MGA: variants seen among roughly 807,000 people sequenced by gnomAD.
MGA encodes MAX dimerization protein MGA, also known as MAX gene-associated protein.
A neutral mutation model predicts 261.1 loss-of-function variants in MGA; 40 were observed. The ratio of observed to expected loss-of-function variants is 0.15; its 90% confidence interval spans 0.12 to 0.20. The LOEUF (loss-of-function observed/expected upper bound fraction) is 0.20, where lower values mean the gene tolerates loss of function less well. Ranked by LOEUF, MGA falls within the 10% of genes least tolerant of loss-of-function variation. The pLI, the probability that MGA is intolerant of heterozygous loss-of-function variation, is 1.00. For missense variants in MGA, 3,397 were observed against 3,630.5 expected (o/e 0.94, Z 1.65); for synonymous variants, 1,302 against 1,290.6 (o/e 1.01, Z -0.19).
intron 2 of MGA, among the ~76,000 whole-genome samples, chr15:41,681,957 G>T (rs968772097): frequency 2.6e-5 from 4 of 151,720 alleles, no homozygotes; most frequent in Non-Finnish European, 5.9e-5. Flanking sequence ...TGCTCTTATT[G>T]CCCAGGCTGG....
chr15:41,667,678 C>T (rs1180106150), intron 1 of MGA, among the ~76,000 whole-genome samples: 4 of 152,068 alleles, frequency 2.6e-5, no homozygotes, highest in Admixed American at 6.6e-5. Flanking sequence ...CCATGTCCAG[C>T]CCCCTTTTTA....
At chr15:41,622,930 A>G (rs1431904189) in intron 1 of MGA, among the ~76,000 whole-genome samples, 1 of 152,252 alleles carries the variant, frequency 6.6e-6, no homozygotes, top group Non-Finnish European at 1.5e-5. Flanking sequence ...GTGCGAACAC[A>G]TCTGGAAAAC....
chr15:41,692,238 A>G (rs1160953741), intron 2 of MGA, among the ~76,000 whole-genome samples: 5 of 152,172 alleles, frequency 3.3e-5, no homozygotes, highest in African/African-American at 4.8e-5. Context: ...TATCCCTGGC[A>G]GGACCTTAGG....
chr15:41,708,045 A>C (rs989486736), intron 6 of MGA, 59 bp from the exon 7 acceptor site: 2 of 1,414,770 alleles, frequency 1.4e-6, no homozygotes, highest in African/African-American at 2.9e-5. Flanking sequence ...TTAATTAACT[A>C]GGTCCATAAT....
In MGA at chr15:41,750,379, A is replaced by C; in HGVS notation, c.6772A>C (p.Arg2258=). The change falls in exon 17 of 24, where the codon AGG becomes CGG. Residue 2258 remains arginine, a synonymous_variant. Transcript: ENST00000219905. Reference sequence around the variant, plus strand: ...TCCTTCAGCCTTCTCCATTGTTCCTAGGAGAGCTGCAAAAAGCAGCAGAGG... The same window carrying C: ...TCCTTCAGCCTTCTCCATTGTTCCTCGGAGAGCTGCAAAAAGCAGCAGAGG... The C allele has an allele frequency of 6.2e-7, 1 of 1,613,972 alleles. No homozygotes were observed. Among genetic ancestry groups the C allele is most frequent in the Non-Finnish European group, 8.5e-7 (1 of 1,179,866 alleles).
intron 1 of MGA, among the ~76,000 whole-genome samples, chr15:41,648,912 T>TA (rs2056985922): frequency 6.6e-6 from 1 of 151,862 alleles, no homozygotes. Flanking sequence ...AATGAGTGCC[T>TA]GGAGAGAGAG....
At chr15:41,742,146 G>A (rs1218790081) in intron 14 of MGA, among the ~76,000 whole-genome samples, 4 of 151,682 alleles carry the variant, frequency 2.6e-5, no homozygotes. Flanking sequence ...TAGCACTTTG[G>A]GAGGCCCGAG....
chr15:41,725,365 TTTTTTAAAGACCTAAAATTTA>T (rs1407604117), intron 9 of MGA, among the ~76,000 whole-genome samples: 1 of 152,152 alleles, frequency 6.6e-6, no homozygotes, highest in Non-Finnish European at 1.5e-5. Flanking sequence ...AACTAAACCT[TTTTTTAAAGACCTAAAATTTA>T]TTTTTAAAGA....
chr15:41,637,019 ATCATATCTTGC>A (rs1410904311), intron 1 of MGA, among the ~76,000 whole-genome samples: 1 of 152,074 alleles, frequency 6.6e-6, no homozygotes, highest in Non-Finnish European at 1.5e-5. Flanking sequence ...GAGAATGACA[ATCATATCTTGC>A]TCTGGGGGCG....
chr15:41,731,262 A>G (rs1276999564), intron 11 of MGA, among the ~76,000 whole-genome samples: 1 of 152,150 alleles, frequency 6.6e-6, no homozygotes, highest in East Asian at 1.9e-4. Flanking sequence ...AGATCTCATG[A>G]TAAATAAAAA....
chr15:41,767,027 T>C lies in MGA; in HGVS notation c.8945T>C (p.Leu2982Ser). 6.2e-7 allele frequency: 1 copy of C among 1,614,004 alleles called. No homozygotes were observed. Among genetic ancestry groups the C allele is most frequent in the Admixed American group, 1.7e-5 (1 of 60,020 alleles). The change falls in exon 24 of 24, where the codon TTG (leucine) becomes TCG (serine). Residue 2982 changes from leucine to serine, a missense_variant. Leu to Ser is a moderately radical substitution (Grantham distance 145). Transcript: ENST00000219905. Reference sequence around the variant, plus strand: ...GAGAACAGCAACAGCACAGACACTTTGTGGAGGCCTATGCCAAAGTTGGCC... The same window carrying C: ...GAGAACAGCAACAGCACAGACACTTCGTGGAGGCCTATGCCAAAGTTGGCC...
At chr15:41,680,208 A>G (rs2058594889) in intron 2 of MGA, among the ~76,000 whole-genome samples, 1 of 152,064 alleles carries the variant, frequency 6.6e-6, no homozygotes, top group African/African-American at 2.4e-5. Context: ...ACTTTGATGC[A>G]TTTCTTACTC....
chr15:41,645,362 G>C (rs911397725), intron 1 of MGA, among the ~76,000 whole-genome samples: 2 of 152,232 alleles, frequency 1.3e-5, no homozygotes, highest in Non-Finnish European at 2.9e-5. Context: ...GGCTGAGACC[G>C]GCAGATCACT....
chr15:41,699,233 C>A, intron 5 of MGA, 74 bp downstream of exon 5: 1 of 951,812 alleles, frequency 1.1e-6, no homozygotes, highest in Non-Finnish European at 1.5e-6. Context: ...TCTTTTTCCT[C>A]TCTCTTTCTC....
Position 41,702,511 on chromosome 15 carries a change from C to T in MGA, c.2188+3352C>T, listed in dbSNP as rs559734354. On this transcript the variant is annotated intron_variant, in intron 5 of 23. Transcript: ENST00000219905. Reference sequence around the variant, plus strand: ...CAACTTAATGTCATATTTCCTTGTCCTGCTATTAACTATAATTTCATTAAT... The same window carrying T: ...CAACTTAATGTCATATTTCCTTGTCTTGCTATTAACTATAATTTCATTAAT... 6.6e-4 allele frequency among the ~76,000 whole-genome samples: 100 copies of T among 152,196 alleles called. 2 individuals carry two copies. The South Asian group carries it at 0.02, about 31-fold the overall frequency.
chr15:41,699,807 C>T (rs1472570267), intron 5 of MGA, among the ~76,000 whole-genome samples: 1 of 152,042 alleles, frequency 6.6e-6, no homozygotes, highest in Non-Finnish European at 1.5e-5. Context: ...CTTCCTTGTC[C>T]TTTAGTAGTA....
chr15:41,661,494 A>AT (rs2057399084), intron 1 of MGA, among the ~76,000 whole-genome samples: 1 of 152,132 alleles, frequency 6.6e-6, no homozygotes, highest in East Asian at 1.9e-4. Flanking sequence ...AACCCTGGGA[A>AT]TGCCTTCTTT....
chr15:41,713,457 C>A lies in MGA; in HGVS notation c.3391C>A (p.Gln1131Lys). The A allele has an allele frequency of 6.4e-7, 1 of 1,554,402 alleles. No homozygotes were observed. Among genetic ancestry groups the A allele is most frequent in the Non-Finnish European group, 8.7e-7 (1 of 1,148,852 alleles). Residue 1131 changes from glutamine (Q) to lysine (K), a missense_variant, in exon 9 of 24, where the codon CAA becomes AAA. Gln to Lys is a moderately conservative substitution (Grantham distance 53, BLOSUM62 1). Transcript: ENST00000219905. ...AGAAGGAATCAGGGAGGAGGAGGAA[C>A]AATTGAAAGAGAAAAAGAAGAGAAA... is the stretch of plus-strand genomic sequence containing the variant.
chr15:41,681,041 C>T (rs1320635558), intron 2 of MGA, among the ~76,000 whole-genome samples: 1 of 152,168 alleles, frequency 6.6e-6, no homozygotes, highest in Non-Finnish European at 1.5e-5. Context: ...ACAGTCCCTT[C>T]TGTCACTCTG....
Sources: allele counts gnomAD v4.1 joint callset (sites outside exome capture counted in the v4.1 genomes callset), GRCh38; gene constraint gnomAD v4.1.1; transcripts MANE v1.5; gene names NCBI Gene and HGNC (gene_info 2026-07-23, HGNC 2026-07-21).